The following MAP3K15 variants were observed in gnomAD, a reference collection of about 807,000 sequenced individuals.
The protein encoded by MAP3K15 is MAPK/ERK kinase kinase 15.
A neutral mutation model predicts 99.5 loss-of-function variants in MAP3K15; 124 were observed. The observed-to-expected ratio is 1.25, with a 90% confidence interval of 1.08 to 1.45. The LOEUF is 1.45. MAP3K15 is among the 40% of genes most tolerant of loss of function. The pLI is 0.00. For missense variants in MAP3K15, 1,242 were observed against 1,079.7 expected (o/e 1.15, Z -2.11); for synonymous variants, 494 against 439.6 (o/e 1.12, Z -1.55).
intron 10 of MAP3K15, 63 bp from the exon 11 acceptor site, chrX:19,413,527 C>G: frequency 1.1e-6 from 1 of 878,007 alleles, no homozygotes; most frequent in Non-Finnish European, 1.6e-6. Flanking sequence ...CCCTGCCCAG[C>G]GAGGAGGCGG....
At chrX:19,420,468 C>T (rs761748869) in intron 9 of MAP3K15, among the ~76,000 whole-genome samples, 207 of 111,043 alleles carry the variant, frequency 1.9e-3, no homozygotes, top group African/African-American at 6.4e-3. Context: ...ACACATACAC[C>T]CTCCCAAGAC....
chrX:19,372,649 A>G lies in MAP3K15; in HGVS notation c.3108+4T>C. ...AGAGTCGGTGCCCTCCCTCGGGCAA[A>G]TACCTGGGCCACACACTCCTGCAGG... On this transcript the variant is annotated splice_donor_region_variant and intron_variant, in intron 22 of 28. Transcript: ENST00000338883. 8.3e-7 allele frequency: 1 copy of G among 1,197,837 alleles called. No homozygotes were observed. Among genetic ancestry groups the G allele is most frequent in the Non-Finnish European group, 1.1e-6 (1 of 886,770 alleles).
intron 6 of MAP3K15, among the ~76,000 whole-genome samples, chrX:19,432,341 A>T (rs1264442816): frequency 1.8e-5 from 2 of 110,745 alleles, no homozygotes; most frequent in Non-Finnish European, 3.8e-5. Flanking sequence ...AGGCGGGTGG[A>T]TCACTTAAGG....
At chrX:19,424,362 T>C (rs978517106) in intron 9 of MAP3K15, among the ~76,000 whole-genome samples, 2 of 109,279 alleles carry the variant, frequency 1.8e-5, no homozygotes, top group African/African-American at 6.7e-5. Context: ...CTAGGGTAAA[T>C]GTGTGCAACA....
chrX:19,457,104 C>A (rs2064098852), intron 5 of MAP3K15, 85 bp from the exon 6 acceptor site: 1 of 629,979 alleles, frequency 1.6e-6, no homozygotes, highest in Non-Finnish European at 2.5e-6. Context: ...CAGGAGACAG[C>A]CTCCGCACTT....
intron 14 of MAP3K15, among the ~76,000 whole-genome samples, chrX:19,399,008 G>C (rs2063588108): frequency 8.9e-6 from 1 of 112,331 alleles, no homozygotes; most frequent in African/African-American, 3.2e-5. Flanking sequence ...AAAGCAGAGA[G>C]GCAGCAATCA....
chrX:19,371,014 C>T lies in MAP3K15; in HGVS notation c.3345G>A (p.Ala1115=), dbSNP rs774495074. The change falls in exon 24 of 29, where the codon GCG becomes GCA. Residue 1115 remains alanine (A), a synonymous_variant. Coordinates refer to ENST00000338883, the MANE Select transcript of MAP3K15 (RefSeq NM_001001671.4). ...NHLIRPHWMF[A]MDNIIRRAVQ... ...CCGCTCGGCGGATGATGTTGTCCATCGCGAACATCCAGTGGGGCCTAATTA... is the reference window on the plus strand; with the variant it reads ...CCGCTCGGCGGATGATGTTGTCCATTGCGAACATCCAGTGGGGCCTAATTA... 2.1e-5 allele frequency: 25 copies of T among 1,163,990 alleles called. No homozygotes were observed. The highest frequency in any genetic ancestry group is 2.8e-5 in the Non-Finnish European group (25 of 879,883).
intron 19 of MAP3K15, among the ~76,000 whole-genome samples, chrX:19,376,386 C>T (rs753434007): frequency 4.5e-5 from 5 of 110,478 alleles, no homozygotes; most frequent in Non-Finnish European, 7.6e-5. Flanking sequence ...TCTGCCTCCC[C>T]GAGGCATTCC....
At chrX:19,404,709 T>A (rs1475232001) in intron 13 of MAP3K15, among the ~76,000 whole-genome samples, 2 of 111,546 alleles carry the variant, frequency 1.8e-5, no homozygotes, top group Non-Finnish European at 3.8e-5. Context: ...ACATTTGTGG[T>A]CAACTGATTT....
At chrX:19,407,509 A>C (rs932633588) in intron 12 of MAP3K15, among the ~76,000 whole-genome samples, 1 of 112,048 alleles carries the variant, frequency 8.9e-6, no homozygotes, top group African/African-American at 3.2e-5. Context: ...ATATGAACTT[A>C]CTCTTAATAT....
chrX:19,447,531 C>A (rs761917287), intron 6 of MAP3K15, among the ~76,000 whole-genome samples: 1 of 111,047 alleles, frequency 9.0e-6, no homozygotes, highest in East Asian at 2.8e-4. Flanking sequence ...GAATTGCCAT[C>A]CTGAATTTAG....
At chrX:19,476,915 AC>A (rs916512734) in intron 3 of MAP3K15, among the ~76,000 whole-genome samples, 4 of 111,381 alleles carry the variant, frequency 3.6e-5, no homozygotes, top group African/African-American at 1.3e-4. Flanking sequence ...AGAAACCAAG[AC>A]CCAGCAGGTT....
At position 19,425,522 on chromosome X, in the gene MAP3K15, A is replaced by G. The variant is rs1469065186; in HGVS notation, c.1439+9T>C. On this transcript the variant is annotated intron_variant, in intron 9 of 28. Coordinates refer to ENST00000338883, the MANE Select transcript of MAP3K15 (RefSeq NM_001001671.4). ...AGATGGGTGATGACAACACACAGAC[A>G]CAACTCACCAGACTGGAGGTTTCAG... The G allele has an allele frequency of 4.2e-6, 5 of 1,190,442 alleles. No individual in the cohort carries two copies. The highest frequency in any genetic ancestry group is 4.5e-6 in the Non-Finnish European group (4 of 889,723).
intron 6 of MAP3K15, among the ~76,000 whole-genome samples, chrX:19,450,750 A>C (rs1325934273): frequency 2.7e-5 from 3 of 109,421 alleles, no homozygotes; most frequent in Non-Finnish European, 5.8e-5. Flanking sequence ...AGAAGGAAAC[A>C]GAAAAGGAAG....
intron 7 of MAP3K15, 123 bp from the exon 8 acceptor site, chrX:19,426,466 G>A (rs918816783): frequency 2.5e-5 from 9 of 364,895 alleles, no homozygotes; most frequent in African/African-American, 5.4e-5. Context: ...CATTCCCCTC[G>A]CCTCCCACCA....
intron 26 of MAP3K15, 93 bp from the exon 27 acceptor site, chrX:19,361,686 T>C: frequency 1.6e-6 from 1 of 611,482 alleles, no homozygotes; most frequent in Non-Finnish European, 2.6e-6. Context: ...AGAATGTAAA[T>C]GTGATGTGAA....
intron 3 of MAP3K15, among the ~76,000 whole-genome samples, chrX:19,467,784 G>T (rs1035958017): frequency 9.6e-6 from 1 of 104,324 alleles, no homozygotes; most frequent in Non-Finnish European, 2.0e-5. Flanking sequence ...AACCGAGATC[G>T]TACCACTGCA....
Position 19,397,003 on chromosome X carries a change from G to C in MAP3K15, c.2066+1223C>G, listed in dbSNP as rs193189003. The stretch of plus-strand genomic sequence containing the variant: ...TAGCCTCTGCCTCCGGGGTTCAAGC[G>C]ATTCTCGTGCCTCAGCCTCCAGAGT... On this transcript the variant is annotated intron_variant, in intron 15 of 28. Coordinates refer to ENST00000338883, the MANE Select transcript of MAP3K15 (RefSeq NM_001001671.4). Among the ~76,000 whole-genome samples, 507 of 108,893 alleles carry C rather than the reference G, an allele frequency of 4.7e-3. 3 individuals carry two copies. In the Middle Eastern group the frequency reaches 0.048, roughly 10 times the overall value. 94.6% of individuals were successfully genotyped at this position (108,893 alleles called of 115,157 possible). A position where few individuals can be genotyped will look rare whatever the true frequency, so the allele number is the denominator to read the frequency against.
intron 4 of MAP3K15, among the ~76,000 whole-genome samples, chrX:19,461,029 G>C (rs2064129891): frequency 9.1e-6 from 1 of 110,287 alleles, no homozygotes; most frequent in African/African-American, 3.3e-5. Context: ...GCCCAGGCTG[G>C]AGTGCAGTGG....
Sources: gnomAD v4.1 joint callset for allele counts (sites outside exome capture counted in the v4.1 genomes callset) on GRCh38, gnomAD v4.1.1 for gene constraint, MANE v1.5 for transcripts, NCBI Gene and HGNC (gene_info 2026-07-23, HGNC 2026-07-21) for gene names.